The following ARHGAP24 variants were observed in gnomAD, a reference collection of about 807,000 sequenced individuals.
The protein encoded by ARHGAP24 is Rho GTPase activating protein 24.
In ARHGAP24, 50 loss-of-function variants were observed where a neutral mutation model predicts 76.4. That is an observed-to-expected ratio of 0.65 (90% CI 0.52 to 0.83). ARHGAP24 has a LOEUF of 0.83. ARHGAP24 is among the 40% of genes least tolerant of loss of function. ARHGAP24 has a pLI of 0.00. For synonymous variants in ARHGAP24, 345 were observed against 323.3 expected (o/e 1.07, Z -0.72); for missense variants, 930 against 914.2 (o/e 1.02, Z -0.22).
At position 86,001,575 on chromosome 4, in the gene ARHGAP24, T is replaced by G; in HGVS notation, c.*853T>G. The stretch of plus-strand genomic sequence containing the variant: ...GAATCTCTTTAACTGCTGGATAGTT[T>G]TAGAGGAATTCTCCTGCTACTTAGG... On this transcript the variant is annotated 3_prime_UTR_variant, in exon 10 of 10. Transcript: ENST00000395184. 5.0e-6 allele frequency: 2 copies of G among 396,680 alleles called. No individual in the cohort carries two copies. Among genetic ancestry groups the G allele is most frequent in the Non-Finnish European group, 8.9e-6 (2 of 225,390 alleles). The allele number at this position is 396,680 out of a possible 1,614,324, so 24.6% of individuals were successfully genotyped here.
At chr4:85,677,917 G>A (rs142192369) in intron 2 of ARHGAP24, among the ~76,000 whole-genome samples, 195 of 152,212 alleles carry the variant, frequency 1.3e-3, no homozygotes, top group Non-Finnish European at 1.8e-3. Context: ...CCGTGTGCCC[G>A]TAGTCCCAGT....
intron 3 of ARHGAP24, among the ~76,000 whole-genome samples, chr4:85,872,230 T>G (rs1044428791): frequency 5.9e-5 from 9 of 152,014 alleles, no homozygotes; most frequent in Non-Finnish European, 1.3e-4. Flanking sequence ...ATCTTATATT[T>G]ACATTAGGGA....
At chr4:85,933,602 G>A (rs1248026304) in intron 4 of ARHGAP24, among the ~76,000 whole-genome samples, 2 of 152,132 alleles carry the variant, frequency 1.3e-5, no homozygotes, top group Admixed American at 6.5e-5. Flanking sequence ...TCGGGATTGT[G>A]GTGCTTTGAG....
rs1483065709 is a variant in ARHGAP24, at chr4:85,590,717, G to T, written c.180+19996G>T. On this transcript the variant is annotated intron_variant, in intron 2 of 9. Coordinates refer to ENST00000395184, the MANE Select transcript of ARHGAP24 (RefSeq NM_001025616.3). The stretch of plus-strand genomic sequence containing the variant: ...CATTGAGTACTTTCTGTCTGCCGTG[G>T]TTTTCCTCCAAAAGAACATACTTTA... Among the ~76,000 whole-genome samples, 6 of 152,026 alleles carry T rather than the reference G, an allele frequency of 3.9e-5. No individual in the cohort carries two copies. In the East Asian group the frequency reaches 1.2e-3, roughly 29 times the overall value.
intron 1 of ARHGAP24, among the ~76,000 whole-genome samples, chr4:85,521,205 G>A (rs976779459): frequency 1.3e-5 from 2 of 152,072 alleles, no homozygotes; most frequent in Non-Finnish European, 1.5e-5. Context: ...GAAATAGCAT[G>A]TTGTTTCACT....
intron 2 of ARHGAP24, among the ~76,000 whole-genome samples, chr4:85,697,026 C>A (rs1723893610): frequency 6.6e-6 from 1 of 152,150 alleles, no homozygotes; most frequent in Admixed American, 6.5e-5. Flanking sequence ...GAATGTGCCA[C>A]AGTTGAAACT....
chr4:85,679,132 G>T (rs1321943093), intron 2 of ARHGAP24, among the ~76,000 whole-genome samples: 1 of 152,128 alleles, frequency 6.6e-6, no homozygotes. Flanking sequence ...ATGAGAGGAA[G>T]AAGAGGAGAA....
intron 1 of ARHGAP24, among the ~76,000 whole-genome samples, chr4:85,480,051 A>G (rs1190336031): frequency 1.3e-5 from 2 of 152,216 alleles, no homozygotes; most frequent in Non-Finnish European, 2.9e-5. Context: ...ATCAAATTAC[A>G]TAACTGGAAA....
At chr4:85,563,432 TGA>T (rs1726679232) in intron 1 of ARHGAP24, among the ~76,000 whole-genome samples, 1 of 152,228 alleles carries the variant, frequency 6.6e-6, no homozygotes, top group Non-Finnish European at 1.5e-5. Context: ...TGTGCTCACA[TGA>T]GCTCTTCTTT....
In ARHGAP24 at chr4:85,931,355, G is replaced by C. The variant is rs62305513; in HGVS notation, c.391+7585G>C. Among the ~76,000 whole-genome samples, 10,447 of 152,118 alleles carry C rather than the reference G, an allele frequency of 0.069. 445 individuals carry two copies. The highest frequency in any genetic ancestry group is 0.15 in the South Asian group (718 of 4,808). Reference sequence around the variant, plus strand: ...TCAGAGGAGGGGCCAGAGTGATCTTGGGCCCTTCCTAGACCCAAATCAAGC... The same window carrying C: ...TCAGAGGAGGGGCCAGAGTGATCTTCGGCCCTTCCTAGACCCAAATCAAGC... On this transcript the variant is annotated intron_variant, in intron 4 of 9. Coordinates refer to ENST00000395184, the MANE Select transcript of ARHGAP24 (RefSeq NM_001025616.3).
At chr4:85,938,318 A>G (rs1326029984) in intron 4 of ARHGAP24, among the ~76,000 whole-genome samples, 1 of 152,186 alleles carries the variant, frequency 6.6e-6, no homozygotes, top group Non-Finnish European at 1.5e-5. Context: ...AAATGGACAT[A>G]GCTGGAACTG....
At chr4:85,868,826 A>T (rs1254351896) in intron 3 of ARHGAP24, among the ~76,000 whole-genome samples, 1 of 152,156 alleles carries the variant, frequency 6.6e-6, no homozygotes, top group East Asian at 1.9e-4. Flanking sequence ...AAAGAAAATC[A>T]ACCATAATCC....
intron 3 of ARHGAP24, among the ~76,000 whole-genome samples, chr4:85,863,248 C>T (rs1732004356): frequency 6.6e-6 from 1 of 152,006 alleles, no homozygotes; most frequent in Non-Finnish European, 1.5e-5. Flanking sequence ...CAGGCTAACT[C>T]GTTTACTTTC....
intron 1 of ARHGAP24, among the ~76,000 whole-genome samples, chr4:85,518,141 A>G (rs1300392337): frequency 6.6e-6 from 1 of 152,170 alleles, no homozygotes; most frequent in African/African-American, 2.4e-5. Context: ...AAAATATTAA[A>G]TGACATTCAG....
chr4:85,515,468 T>A (rs1364653606), intron 1 of ARHGAP24, among the ~76,000 whole-genome samples: 1 of 151,028 alleles, frequency 6.6e-6, no homozygotes, highest in African/African-American at 2.4e-5. Context: ...GAGTTTGGGT[T>A]GTGCAAAATA....
intron 5 of ARHGAP24, among the ~76,000 whole-genome samples, chr4:85,947,772 G>C (rs1005832881): frequency 3.9e-5 from 6 of 152,222 alleles, no homozygotes; most frequent in African/African-American, 1.4e-4. Flanking sequence ...AGTAAAAACT[G>C]AACACCAATT....
chr4:85,894,462 A>C (rs917250188), intron 3 of ARHGAP24, among the ~76,000 whole-genome samples: 2 of 152,208 alleles, frequency 1.3e-5, no homozygotes, highest in African/African-American at 4.8e-5. Flanking sequence ...TCTACAGCTT[A>C]ATTCTTCTGT....
intron 3 of ARHGAP24, among the ~76,000 whole-genome samples, chr4:85,879,882 G>C (rs1733145654): frequency 1.3e-5 from 2 of 152,002 alleles, no homozygotes; most frequent in Non-Finnish European, 2.9e-5. Flanking sequence ...ATGTGGAACG[G>C]CTTCCGAGGC....
chr4:85,753,637 T>C (rs1371903133), intron 3 of ARHGAP24, among the ~76,000 whole-genome samples: 1 of 152,246 alleles, frequency 6.6e-6, no homozygotes, highest in Admixed American at 6.5e-5. Flanking sequence ...CTCAAATCCT[T>C]GTCTGTTAAA....
Sources: gnomAD v4.1 joint callset for allele counts (sites outside exome capture counted in the v4.1 genomes callset) on GRCh38, gnomAD v4.1.1 for gene constraint, MANE v1.5 for transcripts, NCBI Gene and HGNC (gene_info 2026-07-23, HGNC 2026-07-21) for gene names.